The following SLC9A2 variants were observed in gnomAD, a reference collection of about 807,000 sequenced individuals.
SLC9A2 encodes the protein solute carrier family 9 member A2.
In SLC9A2, 42 loss-of-function variants were observed where a neutral mutation model predicts 71.7. That is an observed-to-expected ratio of 0.59 (90% CI 0.46 to 0.76). SLC9A2 has a LOEUF of 0.76. Ranked by LOEUF, SLC9A2 falls within the 30% of genes least tolerant of loss-of-function variation. The pLI is 0.00. For missense variants in SLC9A2, 829 were observed against 1,017.4 expected, an observed-to-expected ratio of 0.81 and a Z score of 2.52; for synonymous variants, 396 against 392.5, an observed-to-expected ratio of 1.01 and a Z score of -0.10.
chr2:102,637,201 C>T (rs913161838), intron 1 of SLC9A2, among the ~76,000 whole-genome samples: 2 of 152,142 alleles, frequency 1.3e-5, no homozygotes, highest in Admixed American at 6.5e-5. Context: ...AAACTGGAGT[C>T]CCAGAGTTTT....
At chr2:102,702,171 AACATAATG>A (rs909751874) in intron 8 of SLC9A2, among the ~76,000 whole-genome samples, 6 of 152,358 alleles carry the variant, frequency 3.9e-5, no homozygotes, top group Admixed American at 3.3e-4. Flanking sequence ...CTTCCCTGAA[AACATAATG>A]ACATGAATAG....
chr2:102,646,447 T>A (rs1676724791), intron 1 of SLC9A2, among the ~76,000 whole-genome samples: 1 of 152,092 alleles, frequency 6.6e-6, no homozygotes, highest in African/African-American at 2.4e-5. Context: ...AATTCACACA[T>A]AACAACATTA....
At chr2:102,696,253 T>C (rs1265831121) in intron 7 of SLC9A2, among the ~76,000 whole-genome samples, 1 of 152,156 alleles carries the variant, frequency 6.6e-6, no homozygotes, top group East Asian at 1.9e-4. Flanking sequence ...TGTTAAACAT[T>C]TATTAGCATA....
chr2:102,622,647 C>A (rs376610271), intron 1 of SLC9A2, among the ~76,000 whole-genome samples: 1 of 152,226 alleles, frequency 6.6e-6, no homozygotes, highest in Admixed American at 6.5e-5. Context: ...CATCTTTGTG[C>A]GTTTCCAGAA....
chr2:102,624,191 G>T (rs1382065314), intron 1 of SLC9A2, among the ~76,000 whole-genome samples: 1 of 152,132 alleles, frequency 6.6e-6, no homozygotes. Context: ...TTTTTTTAAA[G>T]CACAGCAAAT....
At chr2:102,674,851 G>C (rs1677320311) in intron 3 of SLC9A2, among the ~76,000 whole-genome samples, 2 of 152,288 alleles carry the variant, frequency 1.3e-5, no homozygotes, top group Middle Eastern at 3.4e-3. Flanking sequence ...TCATGAGAAG[G>C]CTTCCTTCTA....
chr2:102,680,721 C>A (rs1364667804), intron 3 of SLC9A2, among the ~76,000 whole-genome samples: 1 of 152,300 alleles, frequency 6.6e-6, no homozygotes, highest in Admixed American at 6.5e-5. Context: ...TAATATGTTA[C>A]CTTCTATGGC....
intron 3 of SLC9A2, among the ~76,000 whole-genome samples, chr2:102,672,982 C>A (rs1677283613): frequency 6.6e-6 from 1 of 151,296 alleles, no homozygotes; most frequent in African/African-American, 2.5e-5. Flanking sequence ...GTCTATAGGT[C>A]TTTATTCTAG....
intron 1 of SLC9A2, among the ~76,000 whole-genome samples, chr2:102,632,750 A>G (rs1676400499): frequency 6.6e-6 from 1 of 152,216 alleles, no homozygotes. Context: ...AAGACAGAAA[A>G]GAAAAATCAA....
intron 5 of SLC9A2, among the ~76,000 whole-genome samples, chr2:102,688,799 T>C (rs1677605698): frequency 1.3e-5 from 2 of 152,194 alleles, no homozygotes; most frequent in Admixed American, 6.5e-5. Flanking sequence ...TCTTTCAATA[T>C]ATTTTTCTTT....
intron 1 of SLC9A2, among the ~76,000 whole-genome samples, chr2:102,640,585 C>T (rs1047266692): frequency 6.6e-6 from 1 of 152,204 alleles, no homozygotes; most frequent in African/African-American, 2.4e-5. Flanking sequence ...AAGAGGTGCA[C>T]AGGGCAGGCA....
intron 1 of SLC9A2, among the ~76,000 whole-genome samples, chr2:102,623,462 C>G (rs1339269394): frequency 1.3e-5 from 2 of 152,126 alleles, no homozygotes; most frequent in Non-Finnish European, 2.9e-5. Context: ...AAATCCCCAC[C>G]CCTCCTCTTG....
At chr2:102,649,716 A>G (rs541611396) in intron 1 of SLC9A2, among the ~76,000 whole-genome samples, 89 of 152,360 alleles carry the variant, frequency 5.8e-4, no homozygotes, top group African/African-American at 2.1e-3. Context: ...CAAACATGAA[A>G]AAAAGCTCAT....
chr2:102,645,454 G>C (rs1218202818), intron 1 of SLC9A2, among the ~76,000 whole-genome samples: 2 of 152,068 alleles, frequency 1.3e-5, no homozygotes, highest in Non-Finnish European at 2.9e-5. Context: ...GGATGAGTTT[G>C]ACAAATTGAC....
At chr2:102,648,643 C>G (rs761934876) in intron 1 of SLC9A2, among the ~76,000 whole-genome samples, 17 of 152,228 alleles carry the variant, frequency 1.1e-4, no homozygotes, top group Non-Finnish European at 2.4e-4. Context: ...AGCAAAGTCT[C>G]AGGATACAAA....
intron 3 of SLC9A2, among the ~76,000 whole-genome samples, chr2:102,675,129 C>T (rs948897301): frequency 6.6e-6 from 1 of 152,160 alleles, no homozygotes; most frequent in Non-Finnish European, 1.5e-5. Flanking sequence ...AGTGAGACGA[C>T]CATCCTAATC....
At position 102,619,832 on chromosome 2, in the gene SLC9A2, G is replaced by T. The variant is rs1320122686; in HGVS notation, c.-17G>T. The stretch of plus-strand genomic sequence containing the variant: ...AGGGCCAACCGCCGGTCCCCTTGGC[G>T]GCAACCGGCGGCACCCATGGAACCA... On this transcript the variant is annotated 5_prime_UTR_variant, in exon 1 of 12. Transcript: ENST00000233969. The surrounding 1 kb of genome is among the most constrained non-coding windows in gnomAD (Gnocchi z 4.3). 3 of 1,476,684 alleles carry T rather than the reference G, an allele frequency of 2.0e-6. No individual in the cohort carries two copies. The highest frequency in any genetic ancestry group is 9.0e-7 in the Non-Finnish European group (1 of 1,115,604). The allele number at this position is 1,476,684 out of a possible 1,614,324, so 91.5% of individuals were successfully genotyped here. A position where few individuals can be genotyped will look rare whatever the true frequency, so the allele number is the denominator to read the frequency against.
intron 5 of SLC9A2, among the ~76,000 whole-genome samples, 190 bp downstream of exon 5, chr2:102,684,526 T>C (rs1214137368): frequency 1.3e-5 from 2 of 152,218 alleles, no homozygotes; most frequent in East Asian, 3.8e-4. Flanking sequence ...ATTTGGTCAC[T>C]TGGCCTACAC....
chr2:102,657,757 A>G lies in SLC9A2; in HGVS notation c.483A>G (p.Pro161=). Residue 161 remains proline, a synonymous_variant, in exon 2 of 12, where the codon CCA becomes CCG. Transcript: ENST00000233969. ...LDAGYFMPTR[P]FFENIGTIFW... is the part of the protein sequence containing the mutation. The stretch of plus-strand genomic sequence containing the variant: ...CCGGCTATTTCATGCCCACTCGCCC[A>G]TTCTTTGAGAACATTGGCACGATTT... 6.2e-7 allele frequency: 1 copy of G among 1,614,138 alleles called. No individual in the cohort carries two copies.
Sources: gnomAD v4.1 joint callset for allele counts (sites outside exome capture counted in the v4.1 genomes callset) on GRCh38, gnomAD v4.1.1 for gene constraint, Gnocchi (gnomAD v3.1) non-coding constraint, MANE v1.5 for transcripts, NCBI Gene and HGNC (gene_info 2026-07-23, HGNC 2026-07-21) for gene names.